HIVEP3: variants seen among roughly 807,000 people sequenced by gnomAD.
The protein encoded by HIVEP3 is HIVEP zinc finger 3, also known as transcription factor HIVEP3.
HIVEP3 carries 49 observed loss-of-function variants against 152.8 expected under a neutral mutation model. That is an observed-to-expected ratio of 0.32 (90% confidence interval 0.26 to 0.41). The LOEUF (loss-of-function observed/expected upper bound fraction) is 0.41. Ranked by LOEUF, HIVEP3 falls within the 10% of genes least tolerant of loss-of-function variation. HIVEP3 has a pLI of 1.00. For missense variants in HIVEP3, 2,790 were observed against 3,103.3 expected (o/e 0.90, Z 2.40); for synonymous variants, 1,269 against 1,289.0 (o/e 0.98, Z 0.33).
chr1:41,793,793 A>G (rs1649832821), intron 1 of HIVEP3, among the ~76,000 whole-genome samples: 1 of 152,250 alleles, frequency 6.6e-6, no homozygotes, highest in African/African-American at 2.4e-5. Context: ...AGGAAGAAAC[A>G]TCAGTGTAGA....
intron 1 of HIVEP3, among the ~76,000 whole-genome samples, chr1:41,814,512 G>C (rs577484): frequency 0.35 from 53,703 of 152,176 alleles, 11,086 homozygotes; most frequent in East Asian, 0.8. Context: ...CTTGAATGCA[G>C]GCCCGGCTTC....
At chr1:41,800,106 C>A (rs1390744150) in intron 1 of HIVEP3, among the ~76,000 whole-genome samples, 1 of 152,170 alleles carries the variant, frequency 6.6e-6, no homozygotes, top group Admixed American at 6.5e-5. Context: ...AGCCATTTCA[C>A]GAAGGTTTCC....
chr1:41,880,731 G>A (rs919493594), intron 1 of HIVEP3, among the ~76,000 whole-genome samples: 1 of 152,150 alleles, frequency 6.6e-6, no homozygotes, highest in Non-Finnish European at 1.5e-5. Context: ...ACATGACAGA[G>A]GAGTCTGACC....
chr1:41,931,770 T>C (rs984705271), intron 1 of HIVEP3, among the ~76,000 whole-genome samples: 13 of 152,062 alleles, frequency 8.5e-5, no homozygotes, highest in Non-Finnish European at 1.3e-4. Flanking sequence ...GTCCATATGT[T>C]CATTGCTAGC....
At chr1:41,940,891 C>T (rs1046658517) in intron 1 of HIVEP3, among the ~76,000 whole-genome samples, 5 of 147,520 alleles carry the variant, frequency 3.4e-5, no homozygotes, top group Non-Finnish European at 7.5e-5. Context: ...AGGGAGGGAG[C>T]GGGGGAGAGA....
At chr1:41,761,524 G>A (rs1315720884) in intron 1 of HIVEP3, among the ~76,000 whole-genome samples, 1 of 152,186 alleles carries the variant, frequency 6.6e-6, no homozygotes, top group Non-Finnish European at 1.5e-5. Flanking sequence ...GCACCTGTGT[G>A]AGTGTATGAG....
intron 1 of HIVEP3, among the ~76,000 whole-genome samples, chr1:41,732,179 G>A (rs982429025): frequency 6.6e-6 from 1 of 152,202 alleles, no homozygotes; most frequent in African/African-American, 2.4e-5. Flanking sequence ...GGGACCACAT[G>A]AGCCATGGTG....
chr1:41,865,541 T>C (rs6680922), intron 1 of HIVEP3: 42,944 of 152,190 alleles, frequency 0.28, 6,698 homozygotes, highest in East Asian at 0.55. Flanking sequence ...CTGTTTCCTC[T>C]GGTTACCTTT....
intron 3 of HIVEP3, among the ~76,000 whole-genome samples, chr1:41,598,891 C>G (rs963030299): frequency 5.9e-5 from 9 of 151,982 alleles, no homozygotes; most frequent in Non-Finnish European, 1.0e-4. Context: ...TTTCAGCTCA[C>G]TGCAACCTCC....
intron 2 of HIVEP3, among the ~76,000 whole-genome samples, chr1:41,657,803 A>C (rs1236273217): frequency 2.0e-5 from 3 of 152,196 alleles, no homozygotes; most frequent in Non-Finnish European, 4.4e-5. Flanking sequence ...GCCATCGCTC[A>C]TGCTCCTACC....
chr1:41,705,112 T>G (rs1646414098), intron 1 of HIVEP3, among the ~76,000 whole-genome samples: 1 of 152,244 alleles, frequency 6.6e-6, no homozygotes, highest in African/African-American at 2.4e-5. Flanking sequence ...CAGTTGACCT[T>G]TTTATGCCCT....
intron 1 of HIVEP3, among the ~76,000 whole-genome samples, chr1:41,808,972 G>C (rs1405430944): frequency 6.6e-6 from 1 of 152,190 alleles, no homozygotes; most frequent in African/African-American, 2.4e-5. Flanking sequence ...TTTTGAAAAG[G>C]AGTAAACTGA....
At chr1:41,995,337 G>A (rs534647707) in intron 1 of HIVEP3, among the ~76,000 whole-genome samples, 1 of 152,222 alleles carries the variant, frequency 6.6e-6, no homozygotes, top group African/African-American at 2.4e-5. Context: ...AACAGTGGAG[G>A]CTATAGACAA....
intron 2 of HIVEP3, among the ~76,000 whole-genome samples, chr1:41,695,780 G>A (rs1000476271): frequency 4.6e-5 from 7 of 152,194 alleles, no homozygotes; most frequent in South Asian, 4.1e-4. Flanking sequence ...AGGTATATTC[G>A]TTTTCAATAA....
chr1:41,878,954 T>C (rs891761084), intron 1 of HIVEP3, among the ~76,000 whole-genome samples: 1 of 146,834 alleles, frequency 6.8e-6, no homozygotes, highest in South Asian at 2.4e-4. Context: ...ATACTCCACT[T>C]GTCTCTTCCA....
At chr1:41,884,250 G>A (rs1282658524) in intron 1 of HIVEP3, among the ~76,000 whole-genome samples, 1 of 152,176 alleles carries the variant, frequency 6.6e-6, no homozygotes, top group Non-Finnish European at 1.5e-5. Flanking sequence ...ACAGGTGTGA[G>A]CCACCACGTC....
At chr1:41,750,846 G>A (rs1647149658) in intron 1 of HIVEP3, among the ~76,000 whole-genome samples, 1 of 152,022 alleles carries the variant, frequency 6.6e-6, no homozygotes, top group African/African-American at 2.4e-5. Context: ...TTACAGGTGT[G>A]TAGGATTACA....
chr1:41,577,551 C>T (rs1407551), intron 4 of HIVEP3, among the ~76,000 whole-genome samples: 27,482 of 152,106 alleles, frequency 0.18, 3,073 homozygotes, highest in Non-Finnish European at 0.27. Flanking sequence ...TCTGAACAAG[C>T]TGGGGTTTCT....
chr1:41,970,830 G>A (rs1358819243), intron 1 of HIVEP3, among the ~76,000 whole-genome samples: 1 of 152,106 alleles, frequency 6.6e-6, no homozygotes, highest in Non-Finnish European at 1.5e-5. Flanking sequence ...GAACATTGGA[G>A]CAACCCTGCC....
Sources: allele counts gnomAD v4.1 joint callset (sites outside exome capture counted in the v4.1 genomes callset), GRCh38; gene constraint gnomAD v4.1.1; transcripts MANE v1.5; gene names NCBI Gene and HGNC (gene_info 2026-07-23, HGNC 2026-07-21).